RPSA2: variants seen among roughly 807,000 people sequenced by gnomAD.
RPSA2 encodes small ribosomal subunit protein uS2B.
At chr19:23,777,328 A>G in the RPSA2 span, among the ~76,000 whole-genome samples, 1 of 152,186 alleles carries the variant, frequency 6.6e-6, no homozygotes, top group Non-Finnish European at 1.5e-5. Flanking sequence ...CACCTAGGTG[A>G]TGTAACTCTC....
chr19:23,833,599 G>A, the RPSA2 span, among the ~76,000 whole-genome samples: 1 of 151,980 alleles, frequency 6.6e-6, no homozygotes, highest in African/African-American at 2.4e-5. Flanking sequence ...ACACGTTATT[G>A]CACAGGAAAG....
chr19:23,766,513 GCGATCTCCCCGGCT>G, the RPSA2 span, among the ~76,000 whole-genome samples: 1 of 147,518 alleles, frequency 6.8e-6, no homozygotes, highest in African/African-American at 2.5e-5. Context: ...GGGCAGTGGC[GCGATCTCCCCGGCT>G]CACTGCAAGC....
the RPSA2 span, chr19:23,832,591 A>T: frequency 8.1e-7 from 1 of 1,228,180 alleles, no homozygotes; most frequent in Non-Finnish European, 1.1e-6. Flanking sequence ...GCCAGTCCCC[A>T]TACCTTACTA....
chr19:23,787,989 C>T, the RPSA2 span, among the ~76,000 whole-genome samples: 1 of 152,238 alleles, frequency 6.6e-6, no homozygotes, highest in Non-Finnish European at 1.5e-5. Flanking sequence ...GTCATGCTAA[C>T]AGAAGCGACA....
At chr19:23,821,462 C>A in the RPSA2 span, among the ~76,000 whole-genome samples, 3 of 152,330 alleles carry the variant, frequency 2.0e-5, no homozygotes, top group Non-Finnish European at 4.4e-5. Context: ...GTTTAAATGC[C>A]TTTTCCTGGT....
chr19:23,795,889 C>T, the RPSA2 span, among the ~76,000 whole-genome samples: 2 of 152,118 alleles, frequency 1.3e-5, no homozygotes, highest in African/African-American at 4.8e-5. Flanking sequence ...ATTCTCTTTC[C>T]ACAGCCTGTA....
the RPSA2 span, chr19:23,823,888 C>T: frequency 6.6e-6 from 1 of 152,244 alleles, no homozygotes; most frequent in Non-Finnish European, 1.5e-5. Flanking sequence ...TGGGTCTCTC[C>T]TGGCTTGGGG....
At chr19:23,819,245 G>A in the RPSA2 span, 1 of 152,162 alleles carries the variant, frequency 6.6e-6, no homozygotes, top group Non-Finnish European at 1.5e-5. Context: ...GAACAGGGCT[G>A]TTGTTTCCTC....
chr19:23,805,121 GCACACACACACACACACACACACACA>G, the RPSA2 span, among the ~76,000 whole-genome samples: 1 of 149,574 alleles, frequency 6.7e-6, no homozygotes, highest in Non-Finnish European at 1.5e-5. Context: ...AAAATAAAAA[GCACACACACACACACACACACACACA>G]CACACACACA....
chr19:23,759,522 G>GTTTTTTTTTTTTTTTTTTTTTTTT, the RPSA2 span, among the ~76,000 whole-genome samples: 2 of 89,034 alleles, frequency 2.2e-5, no homozygotes, highest in Non-Finnish European at 2.0e-5. Flanking sequence ...TATATATCAG[G>GTTTTTTTTTTTTTTTTTTTTTTTT]TTTTTTTTTT....
the RPSA2 span, among the ~76,000 whole-genome samples, chr19:23,790,139 C>T: frequency 6.6e-6 from 1 of 151,976 alleles, no homozygotes; most frequent in South Asian, 2.1e-4. Context: ...GCTGGGATTA[C>T]AGGCGCCCGC....
chr19:23,823,191 C>T, the RPSA2 span, among the ~76,000 whole-genome samples: 1 of 152,182 alleles, frequency 6.6e-6, no homozygotes, highest in Non-Finnish European at 1.5e-5. Context: ...CCCCGAATAA[C>T]CTTTCTTAAA....
the RPSA2 span, among the ~76,000 whole-genome samples, chr19:23,808,527 G>T: frequency 1.3e-5 from 2 of 152,018 alleles, no homozygotes; most frequent in Admixed American, 1.3e-4. Flanking sequence ...AAATTGCTGA[G>T]ATTACAGGCG....
At chr19:23,820,400 T>C in the RPSA2 span, among the ~76,000 whole-genome samples, 841 of 152,294 alleles carry the variant, frequency 5.5e-3, 7 homozygotes, top group African/African-American at 0.02. Context: ...CAATATGTTC[T>C]CCAGATTCTT....
At chr19:23,868,768 C>A in the RPSA2 span, among the ~76,000 whole-genome samples, 2 of 152,056 alleles carry the variant, frequency 1.3e-5, no homozygotes, top group African/African-American at 4.8e-5. Context: ...ATGGATAAAC[C>A]ATGTGGGTGC....
At chr19:23,846,833 C>A in the RPSA2 span, among the ~76,000 whole-genome samples, 3 of 152,100 alleles carry the variant, frequency 2.0e-5, no homozygotes, top group Non-Finnish European at 2.9e-5. Context: ...TTATTATGTG[C>A]CATATTGAGG....
chr19:23,831,837 A>T, the RPSA2 span: 1 of 290,264 alleles, frequency 3.4e-6, no homozygotes. Flanking sequence ...GTCCTTTATA[A>T]ATTTTTAAAT....
the RPSA2 span, among the ~76,000 whole-genome samples, chr19:23,793,364 CTT>C: frequency 0.97 from 144,599 of 148,458 alleles, 70,495 homozygotes; most frequent in South Asian, 1. Context: ...GGGGTTATAT[CTT>C]TTTTTTTTTT....
the RPSA2 span, chr19:23,833,013 T>A: frequency 7.1e-7 from 1 of 1,402,594 alleles, no homozygotes. Context: ...AGTCTTCAAT[T>A]TTTGCTAACC....
Sources: gnomAD v4.1 joint callset for allele counts (sites outside exome capture counted in the v4.1 genomes callset) on GRCh38, gnomAD v4.1.1 for gene constraint, MANE v1.5 for transcripts, NCBI Gene and HGNC (gene_info 2026-07-23, HGNC 2026-07-21) for gene names.